The following NDRG4 variants were observed in gnomAD, a reference collection of about 807,000 sequenced individuals.
NDRG4 encodes the protein NDRG family member 4, also known as protein NDRG4.
In NDRG4, 38 loss-of-function variants were observed where a neutral mutation model predicts 55.8. The observed-to-expected ratio is 0.68, with a 90% CI of 0.53 to 0.89. The LOEUF (loss-of-function observed/expected upper bound fraction) is 0.89. NDRG4 is among the 40% of genes least tolerant of loss of function. The pLI, the probability that NDRG4 is intolerant of heterozygous loss-of-function variation, is 0.00. For missense variants in NDRG4, 455 were observed against 468.6 expected, an observed-to-expected ratio of 0.97 and a Z score of 0.27; for synonymous variants, 190 against 182.7, an observed-to-expected ratio of 1.04 and a Z score of -0.32.
intron 1 of NDRG4, among the ~76,000 whole-genome samples, chr16:58,475,072 A>G (rs2033435524): frequency 6.6e-6 from 1 of 152,194 alleles, no homozygotes. Flanking sequence ...CTCTCTCTTT[A>G]CTGGAGACTG....
intron 1 of NDRG4, among the ~76,000 whole-genome samples, chr16:58,479,887 C>T (rs1278446307): frequency 6.6e-6 from 1 of 152,220 alleles, no homozygotes; most frequent in Non-Finnish European, 1.5e-5. Flanking sequence ...TGTTTCTTCT[C>T]TGAATTCCTA....
upstream of NDRG4, among the ~76,000 whole-genome samples, chr16:58,495,247 T>TGG (rs2036266640): frequency 6.6e-6 from 1 of 152,202 alleles, no homozygotes; most frequent in Non-Finnish European, 1.5e-5. Context: ...ATCAGCATTT[T>TGG]CCTCCAATGA....
chr16:58,485,627 G>T (rs2035001972), intron 1 of NDRG4, among the ~76,000 whole-genome samples: 1 of 152,138 alleles, frequency 6.6e-6, no homozygotes, highest in African/African-American at 2.4e-5. Context: ...ATGGGTGAGT[G>T]TGCACACATC....
At chr16:58,487,410 C>G (rs1284503500) in intron 1 of NDRG4, among the ~76,000 whole-genome samples, 5 of 152,180 alleles carry the variant, frequency 3.3e-5, no homozygotes, top group Admixed American at 3.3e-4. Flanking sequence ...ATCCCAGCTA[C>G]TTGGGAGGCT....
intron 1 of NDRG4, among the ~76,000 whole-genome samples, chr16:58,502,796 C>T (rs2037331163): frequency 6.6e-6 from 1 of 152,236 alleles, no homozygotes; most frequent in African/African-American, 2.4e-5. Flanking sequence ...TCCCAGGGCT[C>T]ACAATGATGC....
intron 1 of NDRG4, among the ~76,000 whole-genome samples, chr16:58,468,058 CAG>C (rs2032051232): frequency 6.6e-6 from 1 of 152,198 alleles, no homozygotes. Context: ...GGCATGGCCT[CAG>C]GGGGTGGGGC....
rs1225419342 is a variant in NDRG4, at chr16:58,464,976, T to G, written c.-24+1179T>G. Reference sequence around the variant, plus strand: ...CCTACTGACTGGGGACCCTCAGCCTTGGGGCTCCTCTGGAGAAGTGATCAG... The same window carrying G: ...CCTACTGACTGGGGACCCTCAGCCTGGGGGCTCCTCTGGAGAAGTGATCAG... On this transcript the variant is annotated intron_variant, in intron 1 of 15. Coordinates refer to the NDRG4 transcript ENST00000258187. The surrounding 1 kb of genome is among the most constrained non-coding windows in gnomAD (Gnocchi z 4.8). The G allele has an allele frequency of 1.7e-6, 2 of 1,202,174 alleles. No homozygotes were observed. Among genetic ancestry groups the G allele is most frequent in the Non-Finnish European group, 2.1e-6 (2 of 945,866 alleles). 74.5% of individuals were successfully genotyped at this position (1,202,174 alleles called of 1,614,324 possible). A position where few individuals can be genotyped will look rare whatever the true frequency, so the allele number is the denominator to read the frequency against.
At chr16:58,508,108 GC>G in intron 10 of NDRG4, 109 bp downstream of exon 10, 1 of 985,028 alleles carries the variant, frequency 1.0e-6, no homozygotes, top group Non-Finnish European at 1.5e-6. Flanking sequence ...AGCCTCCAGG[GC>G]CAGCAGTGGA....
chr16:58,504,508 C>T (rs2151803512), intron 4 of NDRG4, 81 bp from the exon 5 acceptor site: 1 of 1,611,270 alleles, frequency 6.2e-7, no homozygotes. Flanking sequence ...GGGCTTCAGG[C>T]TATGGGCAGG....
intron 1 of NDRG4, among the ~76,000 whole-genome samples, chr16:58,476,595 C>T (rs910772589): frequency 1.3e-5 from 2 of 152,068 alleles, no homozygotes; most frequent in Non-Finnish European, 2.9e-5. Context: ...GGGCCTCATG[C>T]TGTTACTGCC....
chr16:58,506,290 G>T, intron 5 of NDRG4, 97 bp from the exon 6 acceptor site: 2 of 1,195,284 alleles, frequency 1.7e-6, no homozygotes, highest in Non-Finnish European at 2.5e-6. Flanking sequence ...GCTGTAGCCG[G>T]GTGGCTGATC....
chr16:58,503,873 A>T lies in NDRG4; in HGVS notation c.97A>T (p.Ile33Phe). 6.2e-7 allele frequency: 1 copy of T among 1,613,814 alleles called. No individual in the cohort carries two copies. Among genetic ancestry groups the T allele is most frequent in the Non-Finnish European group, 8.5e-7 (1 of 1,179,944 alleles). ...RGSPKGNRPA[I>F]LTYHDVGLNH... ...CTCCCCCAAGGGGAACCGCCCAGCC[A>T]TCCTCACCTACCATGATGTGGGCCT... Residue 33 changes from isoleucine to phenylalanine, a missense_variant, in exon 2 of 15, where the codon ATC (isoleucine) becomes TTC (phenylalanine). Transcript: ENST00000570248.
exon 1 of NDRG4, chr16:58,463,766 G>T (rs1040991741): frequency 6.6e-6 from 1 of 150,904 alleles, no homozygotes; most frequent in Non-Finnish European, 1.5e-5. Flanking sequence ...CCCGCTCCCC[G>T]CCTGCGCGTC....
At chr16:58,479,118 T>C (rs2034096324) in intron 1 of NDRG4, among the ~76,000 whole-genome samples, 1 of 152,154 alleles carries the variant, frequency 6.6e-6, no homozygotes, top group South Asian at 2.1e-4. Flanking sequence ...AATCTTCGCC[T>C]CCCAAGTTCA....
chr16:58,467,322 C>A (rs1056093780), intron 1 of NDRG4, among the ~76,000 whole-genome samples: 1 of 152,184 alleles, frequency 6.6e-6, no homozygotes, highest in Non-Finnish European at 1.5e-5. Context: ...GCCTGGCCAA[C>A]GTGGTGAAAC....
chr16:58,478,697 G>GTTTTTTTTTTTTTTTTTTTTT (rs59525801), intron 1 of NDRG4, among the ~76,000 whole-genome samples: 17 of 137,678 alleles, frequency 1.2e-4, no homozygotes, highest in East Asian at 2.1e-4. Context: ...TTTGTTTTTT[G>GTTTTTTTTTTTTTTTTTTTTT]TTTTTTTTTT....
intron 1 of NDRG4, among the ~76,000 whole-genome samples, chr16:58,485,236 T>C (rs765488842): frequency 2.6e-5 from 4 of 152,182 alleles, no homozygotes; most frequent in Non-Finnish European, 2.9e-5. Context: ...AAATGTCTGC[T>C]CTGGCGTCTT....
chr16:58,513,827 G>A (rs138600977), downstream of NDRG4, among the ~76,000 whole-genome samples: 77 of 152,152 alleles, frequency 5.1e-4, no homozygotes, highest in East Asian at 0.013. Context: ...GCATGGTGGC[G>A]CGTGCCTGTA....
chr16:58,514,918 C>T (rs978606644), downstream of NDRG4, among the ~76,000 whole-genome samples: 6 of 152,110 alleles, frequency 3.9e-5, no homozygotes, highest in Non-Finnish European at 8.8e-5. Flanking sequence ...CATTTATTTA[C>T]CCAATAGGTA....
Sources: allele counts gnomAD v4.1 joint callset (sites outside exome capture counted in the v4.1 genomes callset), GRCh38; gene constraint gnomAD v4.1.1; non-coding constraint Gnocchi (gnomAD v3.1); transcripts MANE v1.5; gene names NCBI Gene and HGNC (gene_info 2026-07-23, HGNC 2026-07-21).